LIN28B: variants seen among roughly 807,000 people sequenced by gnomAD.
The protein encoded by LIN28B is lin-28 RNA binding posttranscriptional regulator B.
In LIN28B, 5 loss-of-function variants were observed where a neutral mutation model predicts 21.9. The observed-to-expected ratio is 0.23, with a 90% confidence interval of 0.12 to 0.48. The LOEUF (loss-of-function observed/expected upper bound fraction) is 0.48, where lower values mean the gene tolerates loss of function less well. LIN28B is among the 20% of genes least tolerant of loss of function. The probability of loss-of-function intolerance (pLI) is 0.98; values close to 1 mark genes in which losing one functional copy is unlikely to be tolerated. For missense variants in LIN28B, 245 were observed against 310.5 expected (o/e 0.79, Z 1.58); for synonymous variants, 109 against 111.3 (o/e 0.98, Z 0.13).
chr6:105,074,855 C>G (rs1319461594), intron 3 of LIN28B, among the ~76,000 whole-genome samples: 2 of 152,008 alleles, frequency 1.3e-5, no homozygotes. Context: ...ACAGGTGTGC[C>G]CCGCCACACC....
chr6:104,980,558 A>G (rs1426685238), intron 2 of LIN28B, among the ~76,000 whole-genome samples: 1 of 152,214 alleles, frequency 6.6e-6, no homozygotes, highest in East Asian at 1.9e-4. Flanking sequence ...CTGAATTTAA[A>G]TGGCAAATGT....
intron 2 of LIN28B, among the ~76,000 whole-genome samples, chr6:105,009,397 A>G (rs1770878615): frequency 1.3e-5 from 2 of 152,202 alleles, no homozygotes; most frequent in African/African-American, 4.8e-5. Context: ...ACAGTTTCAA[A>G]ATCACTCTTT....
intron 2 of LIN28B, among the ~76,000 whole-genome samples, chr6:104,992,054 A>G (rs531892870): frequency 1.1e-4 from 16 of 151,676 alleles, no homozygotes; most frequent in Admixed American, 1.0e-3. Context: ...TGGAGTCTTT[A>G]ATCTGTTCAC....
chr6:104,968,149 T>G (rs1226576978), intron 2 of LIN28B, among the ~76,000 whole-genome samples: 4 of 152,240 alleles, frequency 2.6e-5, no homozygotes, highest in Non-Finnish European at 5.9e-5. Flanking sequence ...GTTGGTTTGG[T>G]ATTTTCATTT....
At chr6:105,076,228 GT>G (rs567132534) in intron 3 of LIN28B, among the ~76,000 whole-genome samples, 25 of 150,216 alleles carry the variant, frequency 1.7e-4, no homozygotes, top group Admixed American at 6.0e-4. Flanking sequence ...GTGATTTCTT[GT>G]TTTTTTTTCT....
chr6:104,980,338 G>A (rs1770193456), intron 2 of LIN28B, among the ~76,000 whole-genome samples: 1 of 152,162 alleles, frequency 6.6e-6, no homozygotes, highest in African/African-American at 2.4e-5. Flanking sequence ...AAAGGAAGAT[G>A]TTTTGTCTGA....
rs1022596798 is a variant in LIN28B at position 105,063,641 on chromosome 6, G to T, written c.384-14773G>T. ...ACAGAGCAAGACTCCATCTCGGGGG[G>T]GGGGGGGAAAAAAAGGTAAAGTAAA... On this transcript the variant is annotated intron_variant, in intron 3 of 3. Transcript: ENST00000345080. Among the ~76,000 whole-genome samples, 31 of 139,158 alleles carry T rather than the reference G, an allele frequency of 2.2e-4. 3 individuals are homozygous for T. Among genetic ancestry groups the T allele is most frequent in the Non-Finnish European group, 3.6e-4 (24 of 66,172 alleles). The allele number at this position is 139,158 out of a possible 152,430, so 91.3% of individuals were successfully genotyped here. A position where few individuals can be genotyped will look rare whatever the true frequency, so the allele number is the denominator to read the frequency against.
intron 2 of LIN28B, among the ~76,000 whole-genome samples, chr6:104,958,722 T>A (rs1769643570): frequency 2.6e-5 from 4 of 152,316 alleles, no homozygotes; most frequent in Middle Eastern, 6.8e-3. Flanking sequence ...TTTAGACACC[T>A]CTAGTCACAG....
chr6:105,018,243 T>C lies in LIN28B; in HGVS notation c.199-8055T>C, dbSNP rs79006739. 3.0e-3 allele frequency among the ~76,000 whole-genome samples: 464 copies of C among 152,290 alleles called. 6 individuals carry two copies. Among genetic ancestry groups the C allele is most frequent in the African/African-American group, 0.011 (443 of 41,564 alleles). The stretch of plus-strand genomic sequence containing the variant: ...TCAAGACTACAGTGAGCTGTGATTA[T>C]GCTACTGCACTACAGCCTGGGCAAA... On this transcript the variant is annotated intron_variant, in intron 2 of 3. Coordinates refer to ENST00000345080, the MANE Select transcript of LIN28B (RefSeq NM_001004317.4).
At chr6:104,939,138 A>G (rs1778049784) in intron 2 of LIN28B, among the ~76,000 whole-genome samples, 1 of 152,240 alleles carries the variant, frequency 6.6e-6, no homozygotes, top group African/African-American at 2.4e-5. Flanking sequence ...AAGTCAAAGC[A>G]TATCACATTT....
At chr6:104,950,266 G>A (rs898494491) in intron 2 of LIN28B, among the ~76,000 whole-genome samples, 2 of 152,002 alleles carry the variant, frequency 1.3e-5, no homozygotes, top group Non-Finnish European at 2.9e-5. Flanking sequence ...TCCTCTACTA[G>A]ATATAAAAGG....
At chr6:105,024,146 A>C (rs2114336736) in intron 2 of LIN28B, among the ~76,000 whole-genome samples, 1 of 151,786 alleles carries the variant, frequency 6.6e-6, no homozygotes, top group South Asian at 2.1e-4. Context: ...GCGCCACCAC[A>C]CCTGGCTAAT....
intron 2 of LIN28B, among the ~76,000 whole-genome samples, chr6:104,978,115 C>T (rs907837347): frequency 2.0e-5 from 3 of 152,272 alleles, no homozygotes; most frequent in African/African-American, 2.4e-5. Flanking sequence ...GAGTTATATA[C>T]GGTAAACTGT....
chr6:105,009,996 C>T (rs1380675367), intron 2 of LIN28B, among the ~76,000 whole-genome samples: 1 of 152,140 alleles, frequency 6.6e-6, no homozygotes, highest in African/African-American at 2.4e-5. Context: ...TTTCCAATTA[C>T]ATGAACAATA....
intron 2 of LIN28B, among the ~76,000 whole-genome samples, chr6:104,938,212 C>T (rs1167138292): frequency 2.0e-5 from 3 of 151,792 alleles, no homozygotes; most frequent in Admixed American, 6.6e-5. Flanking sequence ...CTATTGTACA[C>T]CAGCCTTGGC....
chr6:104,940,464 G>A (rs1778067632), intron 2 of LIN28B: 1 of 154,128 alleles, frequency 6.5e-6, no homozygotes, highest in African/African-American at 2.4e-5. Flanking sequence ...GCGCGCCCAC[G>A]GCCTGCGCGG....
intron 3 of LIN28B, among the ~76,000 whole-genome samples, chr6:105,046,527 C>CA (rs1169033133): frequency 6.6e-6 from 1 of 152,156 alleles, no homozygotes; most frequent in African/African-American, 2.4e-5. Context: ...TTTGGGTATA[C>CA]ACCCAGTAAT....
chr6:104,940,696 A>C (rs1032936054), intron 2 of LIN28B, among the ~76,000 whole-genome samples: 1 of 147,166 alleles, frequency 6.8e-6, no homozygotes, highest in African/African-American at 2.5e-5. Flanking sequence ...GCGCTCCCCC[A>C]CCCGGCTCAG....
chr6:104,945,120 T>TG (rs1223307736), intron 2 of LIN28B, among the ~76,000 whole-genome samples: 1 of 152,154 alleles, frequency 6.6e-6, no homozygotes, highest in Non-Finnish European at 1.5e-5. Flanking sequence ...TATTCTAGAC[T>TG]GTATAGGTTA....
Sources: gnomAD v4.1 joint callset for allele counts (sites outside exome capture counted in the v4.1 genomes callset) on GRCh38, gnomAD v4.1.1 for gene constraint, MANE v1.5 for transcripts, NCBI Gene and HGNC (gene_info 2026-07-23, HGNC 2026-07-21) for gene names.